FUNDC1: variants seen among roughly 807,000 people sequenced by gnomAD.
FUNDC1 encodes FUN14 domain-containing protein 1.
In FUNDC1, 10 loss-of-function variants were observed where a neutral mutation model predicts 14.5. The ratio of observed to expected loss-of-function variants is 0.69; its 90% CI spans 0.43 to 1.17. The LOEUF is 1.17. FUNDC1 is among the 50% of genes most tolerant of loss of function. FUNDC1 has a pLI of 0.00. For synonymous variants in FUNDC1, 33 were observed against 39.7 expected, an observed-to-expected ratio of 0.83 and a Z score of 0.64; for missense variants, 115 against 113.8, an observed-to-expected ratio of 1.01 and a Z score of -0.05.
chrX:44,542,712 A>C, intron 1 of FUNDC1, 93 bp downstream of exon 1: 3 of 902,678 alleles, frequency 3.3e-6, no homozygotes, highest in Non-Finnish European at 4.7e-6. Context: ...AGCTCGAAGA[A>C]TCCTAGGGCA....
intron 3 of FUNDC1, among the ~76,000 whole-genome samples, chrX:44,536,277 C>G (rs2038948827): frequency 9.5e-6 from 1 of 105,108 alleles, no homozygotes; most frequent in Non-Finnish European, 1.9e-5. Flanking sequence ...CAAGATTGCG[C>G]CACTGCACTC....
intron 3 of FUNDC1, among the ~76,000 whole-genome samples, chrX:44,534,021 C>T (rs2038937738): frequency 9.3e-6 from 1 of 107,586 alleles, no homozygotes; most frequent in African/African-American, 3.4e-5. Context: ...GCCAAGATCG[C>T]ACCACTGCAC....
Position 44,524,133 on chromosome X carries a change from G to T in FUNDC1, c.*65C>A. Reference sequence around the variant, plus strand: ...GACTCTGGCAGTATGACTTTTGAGAGACTGCCTTATTGCTGCCACTTCTCT... The same window carrying T: ...GACTCTGGCAGTATGACTTTTGAGATACTGCCTTATTGCTGCCACTTCTCT... On this transcript the variant is annotated 3_prime_UTR_variant, in exon 5 of 5. Coordinates refer to ENST00000378045, the MANE Select transcript of FUNDC1 (RefSeq NM_173794.4). The T allele has an allele frequency of 1.3e-6, 1 of 760,857 alleles. No individual in the cohort carries two copies. The highest frequency in any genetic ancestry group is 2.0e-6 in the Non-Finnish European group (1 of 490,573). 62.7% of individuals were successfully genotyped at this position (760,857 alleles called of 1,213,427 possible).
intron 2 of FUNDC1, 51 bp from the exon 3 acceptor site, chrX:44,538,593 C>A (rs1256926031): frequency 3.3e-6 from 3 of 898,699 alleles, no homozygotes; most frequent in Non-Finnish European, 4.8e-6. Context: ...ACTAAACCCT[C>A]TCCCTCTTCT....
intron 3 of FUNDC1, among the ~76,000 whole-genome samples, chrX:44,530,229 A>G (rs1472654287): frequency 8.9e-6 from 1 of 112,200 alleles, no homozygotes; most frequent in Non-Finnish European, 1.9e-5. Context: ...TTGACTTCCT[A>G]TAACACTAAA....
chrX:44,537,416 C>G (rs1047864834), intron 3 of FUNDC1, among the ~76,000 whole-genome samples: 1 of 111,838 alleles, frequency 8.9e-6, no homozygotes, highest in Non-Finnish European at 1.9e-5. Context: ...TCAAAATCAG[C>G]TTAAGTAAAA....
chrX:44,541,835 AATT>A, intron 2 of FUNDC1, 107 bp downstream of exon 2: 2 of 629,737 alleles, frequency 3.2e-6, no homozygotes, highest in Non-Finnish European at 2.3e-6. Flanking sequence ...CCTCTTCTGG[AATT>A]AACAGTGTAG....
intron 4 of FUNDC1, among the ~76,000 whole-genome samples, chrX:44,526,990 TACA>T (rs1357345884): frequency 9.2e-6 from 1 of 108,829 alleles, no homozygotes; most frequent in Non-Finnish European, 1.9e-5. Flanking sequence ...TCTTAGTTTT[TACA>T]ACAAGATCAA....
At chrX:44,531,312 C>CACACACACACACACACACACA in intron 3 of FUNDC1, among the ~76,000 whole-genome samples, 1 of 22,797 alleles carries the variant, frequency 4.4e-5, no homozygotes, top group Non-Finnish European at 6.3e-5. Flanking sequence ...TTCATGTTGG[C>CACACACACACACACACACACA]CAGACACACA....
At chrX:44,536,998 A>C (rs183980292) in intron 3 of FUNDC1, among the ~76,000 whole-genome samples, 1 of 112,403 alleles carries the variant, frequency 8.9e-6, no homozygotes, top group East Asian at 2.8e-4. Context: ...GGGCCTAAAG[A>C]ATATTAGGCA....
At position 44,524,253 on chromosome X, in the gene FUNDC1, T is replaced by C; in HGVS notation, c.413A>G (p.Asn138Ser). Residue 138 changes from asparagine (N) to serine (S), a missense_variant, in exon 5 of 5, where the codon AAC becomes AGC. Asn to Ser is a conservative substitution (Grantham distance 46, BLOSUM62 1). Coordinates refer to ENST00000378045, the MANE Select transcript of FUNDC1 (RefSeq NM_173794.4). ...CACAAATCCACTGGATATCACAATG[T>C]TCTGCTTGATAAATTCTGTTGCCTG... The part of the protein sequence containing the change: ...IEEATEFIKQ[N>S]IVISSGFVGG... 8.3e-7 allele frequency: 1 copy of C among 1,203,312 alleles called. No homozygotes were observed. The highest frequency in any genetic ancestry group is 1.1e-6 in the Non-Finnish European group (1 of 888,310).
chrX:44,539,226 A>G (rs1339174710), intron 2 of FUNDC1, among the ~76,000 whole-genome samples: 2 of 110,784 alleles, frequency 1.8e-5, no homozygotes, highest in African/African-American at 6.6e-5. Flanking sequence ...GTGAGCTCAC[A>G]TTCCCTTCAG....
chrX:44,540,242 T>C (rs1159073843), intron 2 of FUNDC1, among the ~76,000 whole-genome samples: 1 of 111,776 alleles, frequency 8.9e-6, no homozygotes, highest in African/African-American at 3.2e-5. Context: ...TAGTGCCTAT[T>C]AACTGTTCCT....
At chrX:44,535,733 C>T (rs1323712662) in intron 3 of FUNDC1, among the ~76,000 whole-genome samples, 1 of 107,729 alleles carries the variant, frequency 9.3e-6, no homozygotes, top group Non-Finnish European at 1.9e-5. Context: ...CGCCTGTAAT[C>T]CCAGCACTTT....
chrX:44,540,850 T>A (rs1006880317), intron 2 of FUNDC1, among the ~76,000 whole-genome samples: 7 of 111,945 alleles, frequency 6.3e-5, no homozygotes, highest in Non-Finnish European at 1.1e-4. Flanking sequence ...TGGAGAATTA[T>A]CTGAATGACC....
intron 3 of FUNDC1, among the ~76,000 whole-genome samples, chrX:44,528,955 A>T (rs1392559925): frequency 9.0e-6 from 1 of 111,483 alleles, no homozygotes; most frequent in African/African-American, 3.3e-5. Context: ...TCGGCCTCCC[A>T]AAGTGCTGGG....
chrX:44,540,415 T>G (rs2038966277), intron 2 of FUNDC1, among the ~76,000 whole-genome samples: 1 of 51,859 alleles, frequency 1.9e-5, no homozygotes, highest in East Asian at 5.9e-4. Flanking sequence ...ATGTGTGTGT[T>G]GTGTGTGTGT....
intron 3 of FUNDC1, among the ~76,000 whole-genome samples, chrX:44,538,264 G>A (rs147427141): frequency 0.022 from 2,499 of 112,688 alleles, 29 homozygotes; most frequent in Non-Finnish European, 0.036. Flanking sequence ...GATTACAGGC[G>A]TGAGCCAATG....
chrX:44,529,562 C>G (rs764307389), intron 3 of FUNDC1, among the ~76,000 whole-genome samples: 1 of 111,396 alleles, frequency 9.0e-6, no homozygotes, highest in East Asian at 2.8e-4. Flanking sequence ...TCCCTAGAGT[C>G]CCAACTAATG....
Sources: gnomAD v4.1 joint callset for allele counts (sites outside exome capture counted in the v4.1 genomes callset) on GRCh38, gnomAD v4.1.1 for gene constraint, MANE v1.5 for transcripts, NCBI Gene and HGNC (gene_info 2026-07-23, HGNC 2026-07-21) for gene names.